The following ADAMTS2 variants were observed in gnomAD, a reference collection of about 807,000 sequenced individuals.
ADAMTS2 encodes A disintegrin and metalloproteinase with thrombospondin motifs 2.
Under a neutral mutation model 123.0 loss-of-function variants are expected in ADAMTS2, and 50 were observed. The observed-to-expected ratio is 0.41, with a 90% confidence interval of 0.32 to 0.51. ADAMTS2 has a LOEUF of 0.51. ADAMTS2 is among the 20% of genes least tolerant of loss of function. The probability of loss-of-function intolerance (pLI) is 0.35; values close to 1 mark genes in which losing one functional copy is unlikely to be tolerated. For synonymous variants in ADAMTS2, 678 were observed against 695.4 expected (o/e 0.98, Z 0.39); for missense variants, 1,494 against 1,705.2 (o/e 0.88, Z 2.18).
chr5:179,223,756 CATGTGCGTGT>C (rs1765203465), intron 3 of ADAMTS2, among the ~76,000 whole-genome samples: 1 of 152,192 alleles, frequency 6.6e-6, no homozygotes, highest in East Asian at 1.9e-4. Context: ...TATGTGAGTG[CATGTGCGTGT>C]ATGTGAGTCT....
chr5:179,264,816 T>C (rs1458613750), intron 3 of ADAMTS2, among the ~76,000 whole-genome samples: 1 of 148,264 alleles, frequency 6.7e-6, no homozygotes, highest in Non-Finnish European at 1.5e-5. Context: ...GGTTCTGAGA[T>C]CCTGAGGGGC....
At chr5:179,224,755 G>C (rs543984170) in intron 3 of ADAMTS2, among the ~76,000 whole-genome samples, 16 of 152,220 alleles carry the variant, frequency 1.1e-4, no homozygotes, top group Admixed American at 4.6e-4. Flanking sequence ...AGCAATTTAA[G>C]AATAATGTAG....
intron 3 of ADAMTS2, among the ~76,000 whole-genome samples, chr5:179,240,676 A>G (rs1046120161): frequency 1.3e-5 from 2 of 152,210 alleles, no homozygotes; most frequent in Non-Finnish European, 2.9e-5. Context: ...AAATTTTGCA[A>G]ACTTGATCCT....
chr5:179,183,786 C>A (rs905077245), intron 4 of ADAMTS2, among the ~76,000 whole-genome samples: 3 of 152,146 alleles, frequency 2.0e-5, no homozygotes, highest in African/African-American at 7.2e-5. Flanking sequence ...TCCCTACTGC[C>A]CCCCACCAGG....
At chr5:179,177,314 T>G (rs1222100137) in intron 5 of ADAMTS2, among the ~76,000 whole-genome samples, 1 of 152,238 alleles carries the variant, frequency 6.6e-6, no homozygotes, top group Non-Finnish European at 1.5e-5. Context: ...AATTAAACTC[T>G]TAATGCCTTG....
At chr5:179,196,139 A>T (rs1764426618) in intron 4 of ADAMTS2, among the ~76,000 whole-genome samples, 1 of 152,142 alleles carries the variant, frequency 6.6e-6, no homozygotes, top group South Asian at 2.1e-4. Flanking sequence ...ATGCCTTCGG[A>T]TTGTTTGCAA....
intron 3 of ADAMTS2, among the ~76,000 whole-genome samples, chr5:179,239,223 G>T (rs1377980757): frequency 1.3e-5 from 2 of 152,168 alleles, no homozygotes; most frequent in South Asian, 4.2e-4. Flanking sequence ...AAGGCTTGAC[G>T]CAAGTGACAA....
chr5:179,344,450 G>A (rs1031708844), intron 1 of ADAMTS2, among the ~76,000 whole-genome samples: 1 of 152,234 alleles, frequency 6.6e-6, no homozygotes, highest in Non-Finnish European at 1.5e-5. Flanking sequence ...GGGGCTCGGT[G>A]GGAACCTCCC....
At chr5:179,161,392 C>G (rs1763589397) in intron 5 of ADAMTS2, among the ~76,000 whole-genome samples, 1 of 152,140 alleles carries the variant, frequency 6.6e-6, no homozygotes, top group Non-Finnish European at 1.5e-5. Context: ...AGATTGGCAG[C>G]CCAGATATGG....
In ADAMTS2 at chr5:179,262,830, C is replaced by T. The variant is rs866838960; in HGVS notation, c.688+10081G>A. On this transcript the variant is annotated intron_variant, in intron 3 of 21. Coordinates refer to ENST00000251582, the MANE Select transcript of ADAMTS2 (RefSeq NM_014244.5). The surrounding 1 kb of genome is among the most constrained non-coding windows in gnomAD (Gnocchi z 5.9). ...GAACAGGGACTCGATCGGGTTCCTC[C>T]GCTGCTACAGCCCCAGCACCCAGTC... Among the ~76,000 whole-genome samples, 2 of 152,256 alleles carry T rather than the reference C, an allele frequency of 1.3e-5. No homozygotes were observed. The highest frequency in any genetic ancestry group is 3.2e-3 in the Middle Eastern group (1 of 316).
At chr5:179,208,439 T>C (rs1471832305) in intron 3 of ADAMTS2, among the ~76,000 whole-genome samples, 1 of 152,108 alleles carries the variant, frequency 6.6e-6, no homozygotes, top group Non-Finnish European at 1.5e-5. Context: ...GAGACCAAGA[T>C]GAACCCCTCT....
chr5:179,280,163 A>G (rs2113527331), intron 2 of ADAMTS2, among the ~76,000 whole-genome samples: 1 of 152,310 alleles, frequency 6.6e-6, no homozygotes, highest in East Asian at 1.9e-4. Flanking sequence ...TTCAGGCCCT[A>G]CAGACCTTTA....
Position 179,181,162 on chromosome 5 carries a change from G to C in ADAMTS2, c.892-7C>G, listed in dbSNP as rs1172341685. ...CATGGTAGATTTCATTGACCTGAAAGAAACAGGGAGGCATCAGCGGGAACC... is the reference window on the plus strand; with the variant it reads ...CATGGTAGATTTCATTGACCTGAAACAAACAGGGAGGCATCAGCGGGAACC... On this transcript the variant is annotated splice_polypyrimidine_tract_variant and splice_region_variant and intron_variant, in intron 4 of 21. Transcript: ENST00000251582. The surrounding 1 kb of genome is among the most constrained non-coding windows in gnomAD (Gnocchi z 4.1). 2 of 1,610,454 alleles carry C rather than the reference G, an allele frequency of 1.2e-6. No individual in the cohort carries two copies. The highest frequency in any genetic ancestry group is 2.2e-5 in the South Asian group (2 of 91,022).
intron 5 of ADAMTS2, among the ~76,000 whole-genome samples, chr5:179,173,212 T>TTAATAA (rs71589488): frequency 0.014 from 2,096 of 145,142 alleles, 22 homozygotes; most frequent in African/African-American, 0.029. Context: ...ACCCCATCTC[T>TTAATAA]TAATAATAAT....
intron 2 of ADAMTS2, among the ~76,000 whole-genome samples, chr5:179,326,746 G>A (rs1051758664): frequency 2.6e-5 from 4 of 152,084 alleles, no homozygotes; most frequent in Non-Finnish European, 5.9e-5. Flanking sequence ...CAGGAGGCTC[G>A]CTCGCCCAGG....
intron 10 of ADAMTS2, among the ~76,000 whole-genome samples, chr5:179,148,834 C>T (rs956322199): frequency 2.0e-5 from 3 of 152,198 alleles, no homozygotes; most frequent in African/African-American, 7.2e-5. Flanking sequence ...TCTGGATTCT[C>T]CCTCCCAGAC....
In ADAMTS2 at chr5:179,317,645, T is replaced by C. The variant is rs1366278228; in HGVS notation, c.534+26122A>G. 6.6e-6 allele frequency among the ~76,000 whole-genome samples: 1 copy of C among 152,114 alleles called. No individual in the cohort carries two copies. Among genetic ancestry groups the C allele is most frequent in the Non-Finnish European group, 1.5e-5 (1 of 68,022 alleles). The stretch of plus-strand genomic sequence containing the variant: ...CCGGATGGCCAGCGGGCACAGAGCA[T>C]ATGTGTGCTGAGGGACACATGCCCC... On this transcript the variant is annotated intron_variant, in intron 2 of 21. Coordinates refer to ENST00000251582, the MANE Select transcript of ADAMTS2 (RefSeq NM_014244.5). This position sits in a 1 kb window ranked among gnomAD's most constrained non-coding sequence, Gnocchi z 4.9.
In ADAMTS2 at chr5:179,129,280, C is replaced by T. The variant is rs1406956392; in HGVS notation, c.2457+652G>A. Among the ~76,000 whole-genome samples the T allele has an allele frequency of 1.3e-5, 2 of 152,174 alleles. No homozygotes were observed. The highest frequency in any genetic ancestry group is 6.5e-5 in the Admixed American group (1 of 15,268). ...ACTGCTGCACCTGCTTACAGGTGCA[C>T]CCACGTGTGGAGCGCTGGGGGCTGG... On this transcript the variant is annotated intron_variant, in intron 16 of 21. Coordinates refer to ENST00000251582, the MANE Select transcript of ADAMTS2 (RefSeq NM_014244.5). This position sits in a 1 kb window ranked among gnomAD's most constrained non-coding sequence, Gnocchi z 4.1.
At chr5:179,297,347 T>C (rs1325072095) in intron 2 of ADAMTS2, among the ~76,000 whole-genome samples, 1 of 151,636 alleles carries the variant, frequency 6.6e-6, no homozygotes, top group Admixed American at 6.6e-5. Flanking sequence ...CTGCCTGGCC[T>C]GAATCCCCCA....
Sources: gnomAD v4.1 joint callset for allele counts (sites outside exome capture counted in the v4.1 genomes callset) on GRCh38, gnomAD v4.1.1 for gene constraint, Gnocchi (gnomAD v3.1) non-coding constraint, MANE v1.5 for transcripts, NCBI Gene and HGNC (gene_info 2026-07-23, HGNC 2026-07-21) for gene names.